The following SPPL2B variants were observed in gnomAD, a reference collection of about 807,000 sequenced individuals.
SPPL2B encodes signal peptide peptidase-like 2B.
Under a neutral mutation model 59.7 loss-of-function variants are expected in SPPL2B, and 39 were observed. That is an observed-to-expected ratio of 0.65 (90% CI 0.51 to 0.85). The LOEUF (loss-of-function observed/expected upper bound fraction) is 0.85, where lower values mean the gene tolerates loss of function less well. Ranked by LOEUF, SPPL2B falls within the 40% of genes least tolerant of loss-of-function variation. SPPL2B has a pLI of 0.00. For synonymous variants in SPPL2B, 419 were observed against 370.8 expected (o/e 1.13, Z -1.49); for missense variants, 865 against 849.0 (o/e 1.02, Z -0.23).
chr19:2,343,122 G>A lies in SPPL2B; in HGVS notation c.957-89G>A, dbSNP rs951188171. On this transcript the variant is annotated intron_variant, in intron 8 of 14. Coordinates refer to ENST00000613503, the MANE Select transcript of SPPL2B (RefSeq NM_152988.3). Reference sequence around the variant, plus strand: ...GGCAGTGGGGCTGCGTGCTGGCTGAGAGCAAGGGCCCTGTGTGGCTCGTGG... The same window carrying A: ...GGCAGTGGGGCTGCGTGCTGGCTGAAAGCAAGGGCCCTGTGTGGCTCGTGG... 5 of 1,056,276 alleles carry A rather than the reference G, an allele frequency of 4.7e-6. No homozygotes were observed. In the East Asian group the frequency reaches 1.3e-4, roughly 27 times the overall value. 65.4% of individuals were successfully genotyped at this position (1,056,276 alleles called of 1,614,324 possible).
chr19:2,337,608 G>T lies in SPPL2B; in HGVS notation c.352G>T (p.Val118Phe). ...CAGCGGAGCACGCGGGCTGCTCATC[G>T]TCAGCAGGGAGAGGCTGGTACGGCC... ...QGSGARGLLI[V>F]SRERLVPPGG... Residue 118 changes from valine (V) to phenylalanine (F), a missense_variant, in exon 3 of 15, where the codon GTC (valine) becomes TTC (phenylalanine). By Grantham distance (50) the Val-to-Phe change is conservative. Transcript: ENST00000613503. The T allele has an allele frequency of 6.3e-7, 1 of 1,586,854 alleles. No individual in the cohort carries two copies. The highest frequency in any genetic ancestry group is 8.6e-7 in the Non-Finnish European group (1 of 1,164,710).
Position 2,337,645 on chromosome 19 carries a change from C to T in SPPL2B, c.369+20C>T, listed in dbSNP as rs755715592. The T allele has an allele frequency of 6.5e-7, 1 of 1,528,098 alleles. No individual in the cohort carries two copies. Among genetic ancestry groups the T allele is most frequent in the East Asian group, 2.4e-5 (1 of 42,166 alleles). 94.7% of individuals were successfully genotyped at this position (1,528,098 alleles called of 1,614,324 possible). On this transcript the variant is annotated intron_variant, in intron 3 of 14. Transcript: ENST00000613503. ...AGGCTGGTACGGCCCTGTGCGTCCC[C>T]CGCTGGGCCAGCTCTCAGGGGCAGG...
intron 3 of SPPL2B, 53 bp from the exon 4 acceptor site, chr19:2,338,699 G>C: frequency 1.1e-5 from 14 of 1,302,284 alleles, no homozygotes; most frequent in Non-Finnish European, 1.5e-5. Flanking sequence ...CAGAGCTGGG[G>C]GCCCACCCAC....
At chr19:2,351,761 G>A in intron 14 of SPPL2B, 167 bp downstream of exon 14, 1 of 909,472 alleles carries the variant, frequency 1.1e-6, no homozygotes, top group Non-Finnish European at 1.6e-6. Context: ...CCCGGTGGAA[G>A]GACGTGCGTG....
chr19:2,336,884 C>G (rs1257225277), intron 2 of SPPL2B, among the ~76,000 whole-genome samples: 5 of 133,386 alleles, frequency 3.7e-5, no homozygotes, highest in Non-Finnish European at 8.0e-5. Flanking sequence ...TGCGTGTGCA[C>G]TGGTCTGGCT....
chr19:2,353,241 C>T lies in SPPL2B; in HGVS notation c.*32C>T. The T allele has an allele frequency of 1.3e-6, 2 of 1,568,552 alleles. No homozygotes were observed. Among genetic ancestry groups the T allele is most frequent in the Non-Finnish European group, 1.7e-6 (2 of 1,167,428 alleles). On this transcript the variant is annotated 3_prime_UTR_variant, in exon 15 of 15. Coordinates refer to ENST00000613503, the MANE Select transcript of SPPL2B (RefSeq NM_152988.3). ...GGTGAGACGCTCGCTGCCGTGCCCG[C>T]CACACCAAGATGTTGGGGCTGCCTG...
chr19:2,351,060 G>C (rs562421227), intron 13 of SPPL2B, among the ~76,000 whole-genome samples: 1 of 152,218 alleles, frequency 6.6e-6, no homozygotes, highest in African/African-American at 2.4e-5. Context: ...ACCTTCGGCT[G>C]ATTTTCTCAG....
Position 2,328,718 on chromosome 19 carries a change from A to G in SPPL2B, c.9A>G (p.Ala3=), listed in dbSNP as rs1249425785. ...GGCGGGCACCGGCCGACATGGCGGC[A>G]GCGGTGGCGGCTGCGCTGGCGCGGC... The part of the protein sequence containing the change: MA[A]AVAAALARLL... The change falls in exon 1 of 15, where the codon GCA becomes GCG. Residue 3 remains alanine, a synonymous_variant. Coordinates refer to ENST00000613503, the MANE Select transcript of SPPL2B (RefSeq NM_152988.3). 2.8e-6 allele frequency: 4 copies of G among 1,447,906 alleles called. No individual in the cohort carries two copies. The highest frequency in any genetic ancestry group is 3.6e-6 in the Non-Finnish European group (4 of 1,109,894). The allele number at this position is 1,447,906 out of a possible 1,614,324, so 89.7% of individuals were successfully genotyped here.
chr19:2,348,562 C>T (rs983555692), intron 13 of SPPL2B, among the ~76,000 whole-genome samples: 47 of 149,018 alleles, frequency 3.2e-4, no homozygotes, highest in Admixed American at 6.1e-4. Context: ...TCGCGTGATT[C>T]CGTTCTCTCT....
chr19:2,344,165 C>T, intron 10 of SPPL2B, 126 bp downstream of exon 10: 1 of 527,474 alleles, frequency 1.9e-6, no homozygotes, highest in Non-Finnish European at 3.4e-6. Flanking sequence ...CTCCACCCCA[C>T]ACCGTGCTCC....
chr19:2,345,133 C>T, intron 12 of SPPL2B, 120 bp from the exon 13 acceptor site: 1 of 712,082 alleles, frequency 1.4e-6, no homozygotes, highest in Non-Finnish European at 2.4e-6. Context: ...ATGACAGCAG[C>T]CACCAGGCAG....
intron 13 of SPPL2B, among the ~76,000 whole-genome samples, chr19:2,350,193 C>A (rs1364511192): frequency 1.3e-5 from 2 of 149,154 alleles, no homozygotes; most frequent in African/African-American, 5.0e-5. Flanking sequence ...CGTTCTCTCT[C>A]CACACACACT....
In SPPL2B at chr19:2,339,972, C is replaced by A. The variant is rs748992627; in HGVS notation, c.742+6C>A. ...CTATTTCTACGATCTCCTCGGTGCG[C>A]GGCCCCGGGCGGGTGGGCCGCGGCG... On this transcript the variant is annotated splice_donor_region_variant and intron_variant, in intron 6 of 14. Coordinates refer to ENST00000613503, the MANE Select transcript of SPPL2B (RefSeq NM_152988.3). 6.4e-7 allele frequency: 1 copy of A among 1,552,566 alleles called. No homozygotes were observed. The highest frequency in any genetic ancestry group is 1.2e-5 in the South Asian group (1 of 84,378).
In SPPL2B at chr19:2,340,793, G is replaced by A. The variant is rs936411720; in HGVS notation, c.840-105G>A. On this transcript the variant is annotated intron_variant, in intron 7 of 14. Coordinates refer to ENST00000613503, the MANE Select transcript of SPPL2B (RefSeq NM_152988.3). ...AGTTTAATGAGGACAACAGAGTGGG[G>A]GCTGCCACTCTGCAGGGGGTGCCTG... The A allele has an allele frequency of 1.1e-5, 7 of 643,402 alleles. No homozygotes were observed. The African/African-American group carries it at 1.3e-4, about 12-fold the overall frequency. 39.9% of individuals were successfully genotyped at this position (643,402 alleles called of 1,614,324 possible).
intron 2 of SPPL2B, chr19:2,337,142 G>T: frequency 3.3e-6 from 1 of 307,244 alleles, no homozygotes; most frequent in Non-Finnish European, 6.0e-6. Flanking sequence ...GGCTGCGGTG[G>T]GGACCCACTT....
intron 13 of SPPL2B, among the ~76,000 whole-genome samples, chr19:2,345,832 C>T (rs939117566): frequency 2.0e-5 from 3 of 151,290 alleles, no homozygotes; most frequent in African/African-American, 7.3e-5. Context: ...TCCGTGCCTC[C>T]GTCCCTGTCT....
intron 5 of SPPL2B, 94 bp from the exon 6 acceptor site, chr19:2,339,730 T>G (rs368826251): frequency 6.8e-7 from 1 of 1,469,470 alleles, no homozygotes. Context: ...TGCTCCCGGG[T>G]TTTCTGCCCC....
chr19:2,352,011 G>T (rs1402202972), intron 14 of SPPL2B, among the ~76,000 whole-genome samples: 2 of 152,226 alleles, frequency 1.3e-5, no homozygotes, highest in African/African-American at 4.8e-5. Context: ...CTGGGGGTGG[G>T]GCCGCAGGGC....
intron 13 of SPPL2B, among the ~76,000 whole-genome samples, chr19:2,349,400 CTCGT>C: frequency 2.4e-5 from 2 of 83,492 alleles, no homozygotes; most frequent in African/African-American, 9.2e-5. Context: ...TCCACACACA[CTCGT>C]GTTCTCATTC....
Sources: gnomAD v4.1 joint callset for allele counts (sites outside exome capture counted in the v4.1 genomes callset) on GRCh38, gnomAD v4.1.1 for gene constraint, MANE v1.5 for transcripts, NCBI Gene and HGNC (gene_info 2026-07-23, HGNC 2026-07-21) for gene names.